Variants in ITFG1 observed in about 807,000 individuals in gnomAD.
The protein encoded by ITFG1 is T-cell immunomodulatory protein.
In ITFG1, 34 loss-of-function variants were observed where a neutral mutation model predicts 81.8. The observed-to-expected ratio is 0.42, with a 90% confidence interval of 0.32 to 0.55. The LOEUF is 0.55. Among genes scored for constraint, ITFG1 ranks in the 20% least tolerant of loss-of-function variants. The probability of loss-of-function intolerance (pLI) is 0.17; values close to 1 mark genes in which losing one functional copy is unlikely to be tolerated. For missense variants in ITFG1, 672 were observed against 755.4 expected (o/e 0.89, Z 1.29); for synonymous variants, 285 against 270.6 (o/e 1.05, Z -0.52).
intron 5 of ITFG1, chr16:47,448,740 A>G (rs1184631228): frequency 6.6e-6 from 1 of 151,856 alleles, no homozygotes; most frequent in Non-Finnish European, 1.5e-5. Context: ...ATGCAACATC[A>G]GTTTCCAATG....
At chr16:47,421,543 T>C (rs978552402) in intron 6 of ITFG1, among the ~76,000 whole-genome samples, 1 of 152,088 alleles carries the variant, frequency 6.6e-6, no homozygotes. Context: ...GACCTCATGA[T>C]CCGCCCGCCT....
At chr16:47,227,194 ATGTT>A (rs1596820005) in intron 13 of ITFG1, among the ~76,000 whole-genome samples, 1 of 152,194 alleles carries the variant, frequency 6.6e-6, no homozygotes, top group Admixed American at 6.5e-5. Flanking sequence ...CTCCATATGA[ATGTT>A]TACTACAAAA....
chr16:47,263,405 G>A (rs1232711588), intron 10 of ITFG1: 1 of 469,660 alleles, frequency 2.1e-6, no homozygotes, highest in Non-Finnish European at 4.4e-6. Context: ...CTCAGGAGGT[G>A]CTGCTAACCT....
At chr16:47,350,578 T>C (rs1269839829) in intron 8 of ITFG1, among the ~76,000 whole-genome samples, 1 of 152,122 alleles carries the variant, frequency 6.6e-6, no homozygotes, top group East Asian at 1.9e-4. Flanking sequence ...ATTAATAGCT[T>C]ACCAACCAAA....
intron 5 of ITFG1, among the ~76,000 whole-genome samples, chr16:47,433,612 G>A (rs546666766): frequency 1.3e-5 from 2 of 151,680 alleles, no homozygotes; most frequent in South Asian, 4.2e-4. Context: ...CCTATGTTTT[G>A]CTATTTTACA....
intron 10 of ITFG1, among the ~76,000 whole-genome samples, chr16:47,292,106 T>C (rs1474161755): frequency 6.6e-6 from 1 of 151,986 alleles, no homozygotes; most frequent in African/African-American, 2.4e-5. Context: ...CTCCACCTTC[T>C]GGTTTCAAGA....
rs374745413 is a variant in ITFG1, at chr16:47,311,199, C to G, written c.1070+41G>C. On this transcript the variant is annotated intron_variant, in intron 10 of 17. Coordinates refer to ENST00000320640, the MANE Select transcript of ITFG1 (RefSeq NM_030790.5). Reference sequence around the variant, plus strand: ...TACCATGGTTTGCAAATATTTCTCACATAGTTTACAAATATTTCTCACTTG... The same window carrying G: ...TACCATGGTTTGCAAATATTTCTCAGATAGTTTACAAATATTTCTCACTTG... 8 of 1,446,330 alleles carry G rather than the reference C, an allele frequency of 5.5e-6. No homozygotes were observed. In the African/African-American group the frequency reaches 5.6e-5, roughly 10 times the overall value. 89.6% of individuals were successfully genotyped at this position (1,446,330 alleles called of 1,614,324 possible). A position where few individuals can be genotyped will look rare whatever the true frequency, so the allele number is the denominator to read the frequency against.
intron 5 of ITFG1, among the ~76,000 whole-genome samples, chr16:47,434,371 C>A (rs1284649909): frequency 1.3e-5 from 2 of 150,120 alleles, no homozygotes; most frequent in African/African-American, 4.9e-5. Context: ...AAAAAAAAAC[C>A]ATTCAAAAGT....
chr16:47,288,281 C>T (rs575327253), intron 10 of ITFG1, among the ~76,000 whole-genome samples: 14 of 152,306 alleles, frequency 9.2e-5, no homozygotes, highest in Admixed American at 3.3e-4. Flanking sequence ...AACATTTCCA[C>T]TCTTAATGGC....
intron 14 of ITFG1, among the ~76,000 whole-genome samples, chr16:47,188,618 TGGGGGGAGGGGGGA>T (rs1318299677): frequency 3.3e-5 from 1 of 30,218 alleles, no homozygotes; most frequent in African/African-American, 1.5e-4. Context: ...TGTTGTGGGG[TGGGGGGAGGGGGGA>T]GGGGGGAGGG....
At chr16:47,339,834 G>GA (rs1967757447) in intron 8 of ITFG1, among the ~76,000 whole-genome samples, 1 of 151,936 alleles carries the variant, frequency 6.6e-6, no homozygotes, top group South Asian at 2.1e-4. Context: ...AGAAATTTGA[G>GA]AAAAAACATG....
Position 47,302,678 on chromosome 16 carries a change from T to C in ITFG1, c.1070+8562A>G, listed in dbSNP as rs564705055. ...AAGCCTAATTTAATGGAACACCCCA[T>C]ACTTTCCTCTCTCATTTACACTCTT... On this transcript the variant is annotated intron_variant, in intron 10 of 17. Transcript: ENST00000320640. 1.4e-3 allele frequency among the ~76,000 whole-genome samples: 220 copies of C among 152,348 alleles called. 1 individual carries two copies. Among genetic ancestry groups the C allele is most frequent in the Middle Eastern group, 3.4e-3 (1 of 294 alleles).
At chr16:47,199,304 C>A (rs952613907) in intron 14 of ITFG1, among the ~76,000 whole-genome samples, 36 of 98,474 alleles carry the variant, frequency 3.7e-4, no homozygotes, top group African/African-American at 1.3e-3. Context: ...AACAAAAAAA[C>A]CAAATTTAGT....
At chr16:47,184,136 C>A (rs1320594021) in intron 14 of ITFG1, among the ~76,000 whole-genome samples, 1 of 152,052 alleles carries the variant, frequency 6.6e-6, no homozygotes, top group Admixed American at 6.6e-5. Context: ...TGTGAAAAGA[C>A]CAAATCTACG....
intron 14 of ITFG1, among the ~76,000 whole-genome samples, chr16:47,191,794 C>T (rs534385533): frequency 4.7e-4 from 72 of 152,208 alleles, no homozygotes; most frequent in African/African-American, 1.3e-3. Context: ...GGATTACAGG[C>T]GTGAGCCACC....
intron 12 of ITFG1, among the ~76,000 whole-genome samples, chr16:47,242,841 A>G (rs1419009861): frequency 6.6e-6 from 1 of 152,224 alleles, no homozygotes; most frequent in African/African-American, 2.4e-5. Flanking sequence ...CAATTACTTC[A>G]GGTGAACTGG....
At chr16:47,214,390 G>A (rs2151525328) in intron 14 of ITFG1, among the ~76,000 whole-genome samples, 1 of 152,298 alleles carries the variant, frequency 6.6e-6, no homozygotes, top group African/African-American at 2.4e-5. Context: ...CGTTTATGGG[G>A]TAGAAAAGCA....
chr16:47,376,212 T>C (rs1008788430), intron 6 of ITFG1, among the ~76,000 whole-genome samples: 5 of 152,196 alleles, frequency 3.3e-5, no homozygotes, highest in African/African-American at 7.2e-5. Context: ...TTTTAAATCA[T>C]GTGCCTTTTA....
rs577008250 is a variant in ITFG1 at position 47,377,553 on chromosome 16, C to T, written c.656-1613G>A. 3.9e-5 allele frequency among the ~76,000 whole-genome samples: 6 copies of T among 152,256 alleles called. No individual in the cohort carries two copies. In the East Asian group the frequency reaches 1.2e-3, roughly 29 times the overall value. On this transcript the variant is annotated intron_variant, in intron 6 of 17. Coordinates refer to ENST00000320640, the MANE Select transcript of ITFG1 (RefSeq NM_030790.5). ...CAGATTTTATCATGTTTTTTGACCT[C>T]TGTTTGCCTCTGTACATGTCATTCC...
Sources: allele counts gnomAD v4.1 joint callset (sites outside exome capture counted in the v4.1 genomes callset), GRCh38; gene constraint gnomAD v4.1.1; transcripts MANE v1.5; gene names NCBI Gene and HGNC (gene_info 2026-07-23, HGNC 2026-07-21).